Variants in CFAP299 observed in about 807,000 individuals in gnomAD.
CFAP299 encodes cilia and flagella associated protein 299.
Under a neutral mutation model 27.0 loss-of-function variants are expected in CFAP299, and 21 were observed. That is an observed-to-expected ratio of 0.78 (90% CI 0.55 to 1.12). The LOEUF (loss-of-function observed/expected upper bound fraction) is 1.12, where lower values mean the gene tolerates loss of function less well. Among genes scored for constraint, CFAP299 ranks in the 50% most tolerant of loss-of-function variants. The pLI, the probability that CFAP299 is intolerant of heterozygous loss-of-function variation, is 0.00. For missense variants in CFAP299, 310 were observed against 276.6 expected (o/e 1.12, Z -0.86); for synonymous variants, 104 against 98.1 (o/e 1.06, Z -0.36).
At chr4:80,679,811 A>C (rs1476126730) in intron 3 of CFAP299, among the ~76,000 whole-genome samples, 2 of 146,738 alleles carry the variant, frequency 1.4e-5, no homozygotes, top group Admixed American at 6.9e-5. Context: ...TTCACTGTTG[A>C]GTTTCGAGAG....
intron 3 of CFAP299, among the ~76,000 whole-genome samples, chr4:80,866,209 A>G (rs1346562605): frequency 6.6e-6 from 1 of 150,898 alleles, no homozygotes; most frequent in Non-Finnish European, 1.5e-5. Flanking sequence ...ACAGGTGATT[A>G]TCGTTTTTGC....
chr4:80,615,227 G>A (rs2109923139), intron 3 of CFAP299, among the ~76,000 whole-genome samples: 1 of 152,246 alleles, frequency 6.6e-6, no homozygotes, highest in East Asian at 1.9e-4. Flanking sequence ...TCTGATTTGA[G>A]CTTAGGGAAC....
At chr4:80,359,941 A>T (rs1009460766) in intron 1 of CFAP299, among the ~76,000 whole-genome samples, 5 of 152,084 alleles carry the variant, frequency 3.3e-5, no homozygotes, top group African/African-American at 1.2e-4. Flanking sequence ...ATTCTTTCAC[A>T]CCCTTGTGGG....
chr4:80,714,198 AT>A (rs1284362953), intron 3 of CFAP299, among the ~76,000 whole-genome samples: 1 of 152,086 alleles, frequency 6.6e-6, no homozygotes, highest in Non-Finnish European at 1.5e-5. Flanking sequence ...CCTAGAGGAT[AT>A]TTTTATATGA....
intron 3 of CFAP299, among the ~76,000 whole-genome samples, chr4:80,630,227 T>C (rs934441444): frequency 3.9e-5 from 6 of 152,174 alleles, no homozygotes; most frequent in Admixed American, 3.3e-4. Flanking sequence ...GTATACGTTT[T>C]TCTTTTCTTG....
intron 2 of CFAP299, among the ~76,000 whole-genome samples, chr4:80,531,478 C>A (rs1320535229): frequency 1.3e-5 from 2 of 152,166 alleles, no homozygotes; most frequent in East Asian, 3.8e-4. Flanking sequence ...CTAGGCACCA[C>A]CTACAGTTGA....
At chr4:80,609,607 T>G (rs1293956907) in intron 3 of CFAP299, among the ~76,000 whole-genome samples, 1 of 152,038 alleles carries the variant, frequency 6.6e-6, no homozygotes, top group African/African-American at 2.4e-5. Flanking sequence ...TGTTTATATT[T>G]ATAAAAGGCC....
At position 80,358,601 on chromosome 4, in the gene CFAP299, T is replaced by A. The variant is rs138460056; in HGVS notation, c.112-4153T>A. 3.3e-5 allele frequency among the ~76,000 whole-genome samples: 5 copies of A among 152,330 alleles called. No individual in the cohort carries two copies. The East Asian group carries it at 9.6e-4, about 29-fold the overall frequency. Reference sequence around the variant, plus strand: ...AATGCCCTTCTTTGTCTTTTTTTAATCTTTGTTGGTTTAGAGTCTGTTTTG... The same window carrying A: ...AATGCCCTTCTTTGTCTTTTTTTAAACTTTGTTGGTTTAGAGTCTGTTTTG... On this transcript the variant is annotated intron_variant, in intron 1 of 5. Coordinates refer to ENST00000358105, the MANE Select transcript of CFAP299 (RefSeq NM_152770.3).
chr4:80,513,807 G>T (rs1204627297), intron 2 of CFAP299, among the ~76,000 whole-genome samples: 1 of 151,982 alleles, frequency 6.6e-6, no homozygotes, highest in Non-Finnish European at 1.5e-5. Context: ...TTGCACTCAA[G>T]GAATCTCTGA....
chr4:80,389,937 T>C (rs1725234730), intron 2 of CFAP299, among the ~76,000 whole-genome samples: 1 of 152,128 alleles, frequency 6.6e-6, no homozygotes, highest in South Asian at 2.1e-4. Flanking sequence ...TCCCTGGTGG[T>C]TTCCAGTTTA....
intron 4 of CFAP299, among the ~76,000 whole-genome samples, chr4:80,917,270 C>T (rs1735813625): frequency 6.6e-6 from 1 of 151,896 alleles, no homozygotes; most frequent in Non-Finnish European, 1.5e-5. Flanking sequence ...CGCAGATAAC[C>T]GATCTGGGCA....
At position 80,388,495 on chromosome 4, in the gene CFAP299, T is replaced by C. The variant is rs7689585; in HGVS notation, c.242+25611T>C. ...GGTCGGGGGCATTTCTTTGGCACTG[T>C]TCCCGCTTGTGGGTCATAAACACTG... is the stretch of plus-strand genomic sequence containing the variant. On this transcript the variant is annotated intron_variant, in intron 2 of 5. Transcript: ENST00000358105. 0.013 allele frequency: 18,536 copies of C among 1,383,884 alleles called. 1,378 individuals are homozygous for C. In the African/African-American group the frequency reaches 0.19, roughly 15 times the overall value. 85.7% of individuals were successfully genotyped at this position (1,383,884 alleles called of 1,614,324 possible).
chr4:80,961,620 T>G (rs78517882), intron 5 of CFAP299, among the ~76,000 whole-genome samples: 101 of 151,942 alleles, frequency 6.6e-4, no homozygotes, highest in African/African-American at 2.4e-3. Context: ...CAAAAAGAGA[T>G]AAAGGTCTTT....
At chr4:80,440,930 C>T (rs557983889) in intron 2 of CFAP299, among the ~76,000 whole-genome samples, 5 of 151,890 alleles carry the variant, frequency 3.3e-5, no homozygotes, top group South Asian at 2.1e-4. Context: ...TATCAATAGC[C>T]GAATCAATCA....
At chr4:80,818,772 T>A (rs1178273444) in intron 3 of CFAP299, among the ~76,000 whole-genome samples, 1 of 152,182 alleles carries the variant, frequency 6.6e-6, no homozygotes, top group African/African-American at 2.4e-5. Flanking sequence ...AGTTGTCATA[T>A]GAAAATGTCA....
At chr4:80,397,168 A>T (rs1398162904) in intron 2 of CFAP299, among the ~76,000 whole-genome samples, 1 of 152,044 alleles carries the variant, frequency 6.6e-6, no homozygotes, top group Non-Finnish European at 1.5e-5. Context: ...TTATTTGCGT[A>T]GAGGTGTTTA....
rs968757302 is a variant in CFAP299 at position 80,576,058 on chromosome 4, A to G, written c.243-7035A>G. Among the ~76,000 whole-genome samples the G allele has an allele frequency of 1.2e-3, 186 of 152,086 alleles. 1 individual carries two copies. The highest frequency in any genetic ancestry group is 4.2e-3 in the African/African-American group (176 of 41,502). ...TGTGGGGTAGGGGGATGGGGGAGGG[A>G]TAGCATTAGGAGATATACCTAATGT... On this transcript the variant is annotated intron_variant, in intron 2 of 5. Transcript: ENST00000358105.
intron 3 of CFAP299, among the ~76,000 whole-genome samples, chr4:80,726,323 T>C (rs764349059): frequency 2.6e-5 from 4 of 152,176 alleles, no homozygotes; most frequent in Non-Finnish European, 4.4e-5. Flanking sequence ...TCTTCAAGTA[T>C]TTGAGTTTTG....
At chr4:80,568,344 G>A (rs756029468) in intron 2 of CFAP299, among the ~76,000 whole-genome samples, 96 of 151,904 alleles carry the variant, frequency 6.3e-4, no homozygotes, top group Admixed American at 7.9e-4. Flanking sequence ...TATGTATCAT[G>A]TTTCCTTTGT....
Sources: allele counts gnomAD v4.1 joint callset (sites outside exome capture counted in the v4.1 genomes callset), GRCh38; gene constraint gnomAD v4.1.1; transcripts MANE v1.5; gene names NCBI Gene and HGNC (gene_info 2026-07-23, HGNC 2026-07-21).